The following FOXN2 variants were observed in gnomAD, a reference collection of about 807,000 sequenced individuals.
FOXN2 encodes the protein forkhead box protein N2.
Under a neutral mutation model 41.2 loss-of-function variants are expected in FOXN2, and 19 were observed. The observed-to-expected ratio is 0.46, with a 90% CI of 0.32 to 0.68. FOXN2 has a LOEUF of 0.68. Among genes scored for constraint, FOXN2 ranks in the 30% least tolerant of loss-of-function variants. FOXN2 has a pLI of 0.03. For synonymous variants in FOXN2, 195 were observed against 176.8 expected (o/e 1.10, Z -0.82); for missense variants, 587 against 509.4 (o/e 1.15, Z -1.47).
intron 2 of FOXN2, 109 bp from the exon 3 acceptor site, chr2:48,346,092 A>C (rs1671078540): frequency 3.4e-6 from 3 of 885,794 alleles, no homozygotes; most frequent in Non-Finnish European, 5.2e-6. Flanking sequence ...TATGTGGGAC[A>C]ATTGATTGCA....
rs1284476173 is a variant in FOXN2, at chr2:48,354,639, C to G, written c.538-4408C>G. Among the ~76,000 whole-genome samples, 10 of 152,348 alleles carry G rather than the reference C, an allele frequency of 6.6e-5. No individual in the cohort carries two copies. The East Asian group carries it at 1.9e-3, about 29-fold the overall frequency. ...TGCTGTGCTGATAAATGTTTAACAA[C>G]TGGCTAGGGACAGGCTGTTTAGCTT... is the stretch of plus-strand genomic sequence containing the variant. On this transcript the variant is annotated intron_variant, in intron 3 of 6. Coordinates refer to ENST00000340553, the MANE Select transcript of FOXN2 (RefSeq NM_002158.4).
chr2:48,327,235 AAAAC>A (rs1669735549), intron 1 of FOXN2, among the ~76,000 whole-genome samples: 2 of 152,110 alleles, frequency 1.3e-5, no homozygotes, highest in East Asian at 3.9e-4. Context: ...AAAAAGAAAA[AAAAC>A]AGTCATTTTC....
intron 3 of FOXN2, among the ~76,000 whole-genome samples, chr2:48,351,296 G>A (rs906368436): frequency 6.6e-6 from 1 of 152,092 alleles, no homozygotes; most frequent in Admixed American, 6.6e-5. Context: ...TTTGTTTTGT[G>A]AGACAGAGTC....
rs201181321 is a variant in FOXN2 at position 48,358,884 on chromosome 2, C to G, written c.538-163C>G. On this transcript the variant is annotated intron_variant, in intron 3 of 6. Transcript: ENST00000340553. ...AGTTTTGTACATCATAGGATGAATC[C>G]CTTTTAGTCACTACAGTGCACACAT... 9.2e-4 allele frequency among the ~76,000 whole-genome samples: 47 copies of G among 51,292 alleles called. 1 individual carries two copies. The highest frequency in any genetic ancestry group is 2.6e-3 in the African/African-American group (42 of 16,252). 33.6% of individuals were successfully genotyped at this position (51,292 alleles called of 152,430 possible). A position where few individuals can be genotyped will look rare whatever the true frequency, so the allele number is the denominator to read the frequency against.
At chr2:48,339,925 A>G (rs1401157839) in intron 2 of FOXN2, among the ~76,000 whole-genome samples, 9 of 152,332 alleles carry the variant, frequency 5.9e-5, no homozygotes, top group East Asian at 3.9e-4. Flanking sequence ...AAAATGGAAT[A>G]CTAGTCTCTG....
chr2:48,349,219 C>T (rs1486860878), intron 3 of FOXN2, among the ~76,000 whole-genome samples: 1 of 152,200 alleles, frequency 6.6e-6, no homozygotes, highest in South Asian at 2.1e-4. Context: ...AGTGCAGTGG[C>T]TCACACCTGT....
chr2:48,319,047 C>T (rs1306292299), intron 1 of FOXN2, among the ~76,000 whole-genome samples: 1 of 152,126 alleles, frequency 6.6e-6, no homozygotes, highest in African/African-American at 2.4e-5. Context: ...AGTTTAATTA[C>T]TGTTAACTAT....
intron 3 of FOXN2, among the ~76,000 whole-genome samples, chr2:48,358,511 A>T (rs769399432): frequency 2.0e-5 from 3 of 152,134 alleles, no homozygotes; most frequent in Non-Finnish European, 4.4e-5. Flanking sequence ...GTGTTCTTTC[A>T]TTTTGCCATT....
chr2:48,327,346 C>T (rs139894020), intron 1 of FOXN2, among the ~76,000 whole-genome samples: 28 of 152,198 alleles, frequency 1.8e-4, no homozygotes, highest in African/African-American at 6.3e-4. Context: ...CTATATGTAG[C>T]TGCAGTTGAT....
chr2:48,378,738 T>C lies in FOXN2; in HGVS notation c.*3295T>C, dbSNP rs1673397776. The C allele has an allele frequency of 6.6e-6, 1 of 152,222 alleles. No homozygotes were observed. The highest frequency in any genetic ancestry group is 1.5e-5 in the Non-Finnish European group (1 of 67,882). The allele number at this position is 152,222 out of a possible 1,614,324, so 9.4% of individuals were successfully genotyped here. ...TGTGTAAGCTTTGATTTAAACCAAG[T>C]TTACTTCAGTATGTTAATGATGTAG... On this transcript the variant is annotated 3_prime_UTR_variant, in exon 7 of 7. Coordinates refer to ENST00000340553, the MANE Select transcript of FOXN2 (RefSeq NM_002158.4).
At chr2:48,335,827 A>T (rs965752271) in intron 2 of FOXN2, among the ~76,000 whole-genome samples, 1 of 151,272 alleles carries the variant, frequency 6.6e-6, no homozygotes, top group Non-Finnish European at 1.5e-5. Flanking sequence ...GGAAATAGAG[A>T]CCATCCTGGT....
rs921205641 is a variant in FOXN2, at chr2:48,314,946, C to G, written c.-157+132C>G. The G allele has an allele frequency of 2.6e-5, 4 of 152,000 alleles. No homozygotes were observed. The South Asian group carries it at 6.2e-4, about 24-fold the overall frequency. 9.4% of individuals were successfully genotyped at this position (152,000 alleles called of 1,614,324 possible). A position where few individuals can be genotyped will look rare whatever the true frequency, so the allele number is the denominator to read the frequency against. On this transcript the variant is annotated intron_variant, in intron 1 of 6. Coordinates refer to ENST00000340553, the MANE Select transcript of FOXN2 (RefSeq NM_002158.4). ...GGGCGCGGAGGCGGCTGTCCCGTGA[C>G]GCGCCCGGACATTTTTGTCCAGTGA...
At position 48,346,738 on chromosome 2, in the gene FOXN2, G is replaced by A; in HGVS notation, c.524G>A (p.Arg175Lys). The part of the protein sequence containing the change: ...SLNKCFQKVE[R>K]SHGKVNGKGS... The stretch of plus-strand genomic sequence containing the variant: ...AATAAATGTTTTCAGAAAGTGGAAA[G>A]AAGCCATGGCAAGGTCAGTGTTTAT... Residue 175 changes from arginine to lysine, a missense_variant, in exon 3 of 7, where the codon AGA becomes AAA. Transcript: ENST00000340553. 1 of 1,589,386 alleles carries A rather than the reference G, an allele frequency of 6.3e-7. No individual in the cohort carries two copies. Among genetic ancestry groups the A allele is most frequent in the South Asian group, 1.1e-5 (1 of 87,260 alleles).
At chr2:48,330,409 A>G (rs1367069389) in intron 2 of FOXN2, among the ~76,000 whole-genome samples, 1 of 152,230 alleles carries the variant, frequency 6.6e-6, no homozygotes, top group East Asian at 1.9e-4. Context: ...AAAATTCACA[A>G]ACATTTGGAT....
At chr2:48,361,841 A>G (rs915239875) in intron 4 of FOXN2, among the ~76,000 whole-genome samples, 26 of 152,328 alleles carry the variant, frequency 1.7e-4, no homozygotes, top group African/African-American at 5.5e-4. Flanking sequence ...ATGTTTATTA[A>G]TAAAATCAGG....
chr2:48,354,415 C>T (rs967035898), intron 3 of FOXN2, among the ~76,000 whole-genome samples: 7 of 152,176 alleles, frequency 4.6e-5, no homozygotes, highest in African/African-American at 1.4e-4. Flanking sequence ...GCCTGGCCAA[C>T]AGAGTGAAAC....
chr2:48,319,090 A>C (rs1209514728), intron 1 of FOXN2, among the ~76,000 whole-genome samples: 2 of 152,138 alleles, frequency 1.3e-5, no homozygotes, highest in African/African-American at 4.8e-5. Context: ...CAGGTGTTAG[A>C]AGAAAATTCT....
chr2:48,349,406 C>G (rs1287307198), intron 3 of FOXN2, among the ~76,000 whole-genome samples: 1 of 152,036 alleles, frequency 6.6e-6, no homozygotes, highest in African/African-American at 2.4e-5. Context: ...TTGTTTGAAC[C>G]CTCGGAGGTT....
At chr2:48,359,480 GAC>G (rs1672033320) in intron 4 of FOXN2, among the ~76,000 whole-genome samples, 1 of 152,028 alleles carries the variant, frequency 6.6e-6, no homozygotes, top group African/African-American at 2.4e-5. Context: ...TTTTAGTAGA[GAC>G]ACGGTTTCAC....
Sources: allele counts gnomAD v4.1 joint callset (sites outside exome capture counted in the v4.1 genomes callset), GRCh38; gene constraint gnomAD v4.1.1; transcripts MANE v1.5; gene names NCBI Gene and HGNC (gene_info 2026-07-23, HGNC 2026-07-21).